The following ATRNL1 variants were observed in gnomAD, a reference collection of about 807,000 sequenced individuals.
The protein encoded by ATRNL1 is attractin-like protein 1.
Under a neutral mutation model 182.7 loss-of-function variants are expected in ATRNL1, and 95 were observed. The observed-to-expected ratio is 0.52, with a 90% CI of 0.44 to 0.62. ATRNL1 has a LOEUF of 0.62. Among genes scored for constraint, ATRNL1 ranks in the 20% least tolerant of loss-of-function variants. The pLI is 0.00. For missense variants in ATRNL1, 1,471 were observed against 1,679.5 expected, an observed-to-expected ratio of 0.88 and a Z score of 2.17; for synonymous variants, 576 against 568.3, an observed-to-expected ratio of 1.01 and a Z score of -0.19.
chr10:115,672,140 A>C (rs1945716055), intron 26 of ATRNL1, among the ~76,000 whole-genome samples: 1 of 152,124 alleles, frequency 6.6e-6, no homozygotes, highest in Non-Finnish European at 1.5e-5. Flanking sequence ...AACAATTACG[A>C]CTACCATTTA....
intron 20 of ATRNL1, among the ~76,000 whole-genome samples, 186 bp downstream of exon 20, chr10:115,394,938 A>G (rs1374216138): frequency 2.0e-5 from 3 of 151,948 alleles, no homozygotes; most frequent in Admixed American, 2.0e-4. Context: ...CATGATGCTG[A>G]GGTTTGGGAT....
At chr10:115,650,965 T>C (rs1859954181) in intron 26 of ATRNL1, among the ~76,000 whole-genome samples, 1 of 152,176 alleles carries the variant, frequency 6.6e-6, no homozygotes, top group Non-Finnish European at 1.5e-5. Flanking sequence ...TATATTTTAA[T>C]TTGCCCATTG....
intron 24 of ATRNL1, among the ~76,000 whole-genome samples, chr10:115,499,900 A>G (rs1390451869): frequency 1.3e-5 from 2 of 152,068 alleles, no homozygotes; most frequent in Admixed American, 6.5e-5. Flanking sequence ...TTTCCTTTTA[A>G]TCATCTTTTG....
chr10:115,224,225 G>A (rs552626043), intron 9 of ATRNL1, among the ~76,000 whole-genome samples: 128 of 151,330 alleles, frequency 8.5e-4, no homozygotes, highest in Non-Finnish European at 1.4e-3. Flanking sequence ...GTGAGCCACC[G>A]CGCCTGGCCA....
chr10:115,457,099 G>A (rs549493646), intron 21 of ATRNL1, among the ~76,000 whole-genome samples: 2 of 152,062 alleles, frequency 1.3e-5, no homozygotes, highest in African/African-American at 2.4e-5. Context: ...TTCTTTTCTC[G>A]TGACCATGAG....
At chr10:115,165,669 T>G (rs1554884212) in intron 7 of ATRNL1, 24 bp downstream of exon 7, 1 of 1,391,720 alleles carries the variant, frequency 7.2e-7, no homozygotes. Flanking sequence ...TTTTTAAATT[T>G]TAATCAGATT....
At chr10:115,487,506 G>A (rs1380981527) in intron 24 of ATRNL1, among the ~76,000 whole-genome samples, 7 of 152,098 alleles carry the variant, frequency 4.6e-5, no homozygotes, top group African/African-American at 1.2e-4. Context: ...TGTAGTAATT[G>A]TGAATGGGAG....
intron 27 of ATRNL1, among the ~76,000 whole-genome samples, chr10:115,841,043 T>G (rs1162579334): frequency 6.6e-6 from 1 of 152,128 alleles, no homozygotes; most frequent in Non-Finnish European, 1.5e-5. Context: ...CAAACCTAAT[T>G]AAGATAATTA....
intron 22 of ATRNL1, among the ~76,000 whole-genome samples, chr10:115,465,667 A>G (rs917171494): frequency 2.0e-5 from 3 of 151,512 alleles, no homozygotes; most frequent in Non-Finnish European, 4.4e-5. Context: ...GAATATCACT[A>G]TGATGCATAA....
intron 15 of ATRNL1, among the ~76,000 whole-genome samples, chr10:115,292,039 T>C (rs1196350424): frequency 2.0e-5 from 3 of 152,030 alleles, no homozygotes; most frequent in Non-Finnish European, 4.4e-5. Flanking sequence ...AAATCATGAA[T>C]TTTGTTGGTA....
chr10:115,452,095 G>A (rs782741983), intron 21 of ATRNL1, among the ~76,000 whole-genome samples: 8 of 152,038 alleles, frequency 5.3e-5, no homozygotes, highest in Admixed American at 2.0e-4. Context: ...CAACAGACAC[G>A]GGGGTCTACT....
chr10:115,202,471 C>G (rs1283303946), intron 8 of ATRNL1, among the ~76,000 whole-genome samples: 45 of 145,762 alleles, frequency 3.1e-4, no homozygotes, highest in African/African-American at 8.2e-4. Flanking sequence ...AAGGCCTTTT[C>G]TGCATCTATT....
At chr10:115,354,191 A>G (rs1592507743) in intron 19 of ATRNL1, among the ~76,000 whole-genome samples, 1 of 130,876 alleles carries the variant, frequency 7.6e-6, no homozygotes. Flanking sequence ...TACGTGGCCC[A>G]TGACAATTCT....
chr10:115,286,123 A>T, intron 14 of ATRNL1, 93 bp from the exon 15 acceptor site: 1 of 624,948 alleles, frequency 1.6e-6, no homozygotes, highest in Non-Finnish European at 2.8e-6. Context: ...TTTCAAAAAT[A>T]ATTTAAACAA....
chr10:115,098,893 T>C (rs1327015829), intron 1 of ATRNL1, among the ~76,000 whole-genome samples: 2 of 152,226 alleles, frequency 1.3e-5, no homozygotes, highest in African/African-American at 4.8e-5. Context: ...TTGATAGTTA[T>C]TTAAACAAAA....
chr10:115,199,181 C>T (rs1848465101), intron 8 of ATRNL1, among the ~76,000 whole-genome samples: 1 of 151,800 alleles, frequency 6.6e-6, no homozygotes, highest in Non-Finnish European at 1.5e-5. Context: ...TTTATTTCAT[C>T]AATGTTTTAT....
intron 21 of ATRNL1, among the ~76,000 whole-genome samples, chr10:115,459,910 C>T (rs1220609657): frequency 2.6e-5 from 4 of 152,018 alleles, no homozygotes; most frequent in East Asian, 1.9e-4. Flanking sequence ...AGCCAGCCGA[C>T]GCTTAGGAAA....
At chr10:115,321,271 T>C (rs1205631191) in intron 18 of ATRNL1, among the ~76,000 whole-genome samples, 3 of 152,132 alleles carry the variant, frequency 2.0e-5, no homozygotes, top group Non-Finnish European at 4.4e-5. Flanking sequence ...GCCTGCGCCT[T>C]CTTCTGGGAT....
intron 28 of ATRNL1, among the ~76,000 whole-genome samples, chr10:115,889,923 T>TA (rs1952039072): frequency 1.3e-5 from 2 of 152,242 alleles, no homozygotes; most frequent in African/African-American, 4.8e-5. Flanking sequence ...TTAAGTTACA[T>TA]ATTCTAAAGC....
Sources: allele counts gnomAD v4.1 joint callset (sites outside exome capture counted in the v4.1 genomes callset), GRCh38; gene constraint gnomAD v4.1.1; transcripts MANE v1.5; gene names NCBI Gene and HGNC (gene_info 2026-07-23, HGNC 2026-07-21).